DTX4: variants seen among roughly 807,000 people sequenced by gnomAD.
DTX4 encodes the protein E3 ubiquitin-protein ligase DTX4.
A neutral mutation model predicts 57.6 loss-of-function variants in DTX4; 28 were observed. The observed-to-expected ratio is 0.49, with a 90% CI of 0.36 to 0.67. DTX4 has a LOEUF of 0.67. DTX4 is among the 30% of genes least tolerant of loss of function. DTX4 has a pLI of 0.00. For missense variants in DTX4, 715 were observed against 836.8 expected (o/e 0.85, Z 1.80); for synonymous variants, 316 against 331.0 (o/e 0.95, Z 0.49).
intron 2 of DTX4, among the ~76,000 whole-genome samples, chr11:59,186,367 T>C (rs1355458437): frequency 6.6e-6 from 1 of 152,164 alleles, no homozygotes; most frequent in Non-Finnish European, 1.5e-5. Context: ...GTGGCTTTTG[T>C]CACCCAGATC....
intron 1 of DTX4, among the ~76,000 whole-genome samples, chr11:59,174,878 G>T (rs937925610): frequency 6.6e-6 from 1 of 152,184 alleles, no homozygotes; most frequent in African/African-American, 2.4e-5. Context: ...TTTATCATCA[G>T]ACTGCTGTGG....
intron 6 of DTX4, among the ~76,000 whole-genome samples, chr11:59,193,321 C>T (rs538612599): frequency 2.3e-4 from 35 of 152,248 alleles, no homozygotes; most frequent in South Asian, 8.3e-4. Context: ...AAATTGATAT[C>T]GCCTTTGTAT....
At chr11:59,190,169 T>C (rs1212203683) in intron 4 of DTX4, among the ~76,000 whole-genome samples, 1 of 152,216 alleles carries the variant, frequency 6.6e-6, no homozygotes, top group Non-Finnish European at 1.5e-5. Flanking sequence ...CCTCAAACCC[T>C]TGTCCTACTT....
At chr11:59,174,583 C>T (rs984636718) in intron 1 of DTX4, among the ~76,000 whole-genome samples, 5 of 151,276 alleles carry the variant, frequency 3.3e-5, no homozygotes, top group African/African-American at 9.8e-5. Context: ...GTGACAGAAA[C>T]GTCTCAGCCC....
chr11:59,182,886 G>T (rs976949630), intron 2 of DTX4, among the ~76,000 whole-genome samples: 1 of 151,998 alleles, frequency 6.6e-6, no homozygotes, highest in Non-Finnish European at 1.5e-5. Context: ...GGTCAAGGCT[G>T]CAGTGAGCTA....
At chr11:59,192,337 C>T (rs1862610838) in intron 6 of DTX4, 87 bp downstream of exon 6, 6 of 1,507,138 alleles carry the variant, frequency 4.0e-6, no homozygotes, top group East Asian at 2.3e-5. Flanking sequence ...GGCCCTTGCT[C>T]AAGTGATCTG....
At chr11:59,196,568 G>T (rs1488034904) in intron 7 of DTX4, among the ~76,000 whole-genome samples, 1 of 152,192 alleles carries the variant, frequency 6.6e-6, no homozygotes, top group African/African-American at 2.4e-5. Flanking sequence ...CAGCCCAGGG[G>T]TTCCCAACCC....
At chr11:59,180,344 G>C (rs1312250056) in intron 1 of DTX4, among the ~76,000 whole-genome samples, 2 of 152,196 alleles carry the variant, frequency 1.3e-5, no homozygotes, top group Non-Finnish European at 2.9e-5. Flanking sequence ...GTGATGAATA[G>C]GGGATTGTTC....
chr11:59,176,826 C>T (rs1239766877), intron 1 of DTX4, among the ~76,000 whole-genome samples: 1 of 152,240 alleles, frequency 6.6e-6, no homozygotes, highest in Non-Finnish European at 1.5e-5. Flanking sequence ...CCCTATCCTA[C>T]TGGAGCCCCT....
In DTX4 at chr11:59,189,470, T is replaced by C. The variant is rs542614454; in HGVS notation, c.1159+147T>C. 1.9e-4 allele frequency: 136 copies of C among 727,014 alleles called. 1 individual carries two copies. The South Asian group carries it at 2.6e-3, about 14-fold the overall frequency. The allele number at this position is 727,014 out of a possible 1,614,324, so 45.0% of individuals were successfully genotyped here. ...TGTAAGTGGGCCTAACCAGTAAATCTTGACGATTATACCACAGCTGATGTG... is the reference window on the plus strand; with the variant it reads ...TGTAAGTGGGCCTAACCAGTAAATCCTGACGATTATACCACAGCTGATGTG... On this transcript the variant is annotated intron_variant, in intron 4 of 8. Transcript: ENST00000227451.
chr11:59,188,626 C>T (rs868580589), intron 2 of DTX4, 109 bp from the exon 3 acceptor site: 1 of 878,110 alleles, frequency 1.1e-6, no homozygotes, highest in South Asian at 1.5e-5. Flanking sequence ...GATGTCACTT[C>T]CTGCTGTCTG....
intron 2 of DTX4, among the ~76,000 whole-genome samples, chr11:59,184,558 C>T (rs547799869): frequency 6.6e-6 from 1 of 152,310 alleles, no homozygotes; most frequent in South Asian, 2.1e-4. Flanking sequence ...TGACATCCCA[C>T]CTTGTCTCTG....
intron 2 of DTX4, among the ~76,000 whole-genome samples, 177 bp from the exon 3 acceptor site, chr11:59,188,558 G>A (rs1213654302): frequency 6.6e-6 from 1 of 152,218 alleles, no homozygotes; most frequent in African/African-American, 2.4e-5. Context: ...AGTGAACTGA[G>A]GAACATAGTT....
intron 2 of DTX4, among the ~76,000 whole-genome samples, chr11:59,187,155 C>T (rs1196277915): frequency 6.6e-6 from 1 of 152,212 alleles, no homozygotes; most frequent in Non-Finnish European, 1.5e-5. Flanking sequence ...ATTCATTACG[C>T]TCTCTGAGTT....
chr11:59,188,141 A>C (rs1294069555), intron 2 of DTX4, among the ~76,000 whole-genome samples: 2 of 152,196 alleles, frequency 1.3e-5, no homozygotes, highest in Non-Finnish European at 2.9e-5. Context: ...CCTGGCTCTG[A>C]ACAAAACAGA....
intron 8 of DTX4, 116 bp from the exon 9 acceptor site, chr11:59,204,560 A>G: frequency 2.1e-6 from 2 of 943,620 alleles, no homozygotes; most frequent in Admixed American, 2.2e-5. Context: ...TGGGCTGCTT[A>G]GGGTATCATG....
rs761577721 is a variant in DTX4, at chr11:59,195,319, C to A, written c.1486C>A (p.Pro496Thr). 8 of 1,613,852 alleles carry A rather than the reference C, an allele frequency of 5.0e-6. No individual in the cohort carries two copies. The highest frequency in any genetic ancestry group is 1.3e-5 in the African/African-American group (1 of 74,912). ...HLIPHSLPGH[P>T]DCKTIRIIYS... ...CATCCCCCACTCCTTGCCTGGCCAC[C>A]CAGACTGCAAAACCATCCGGATCAT... The change falls in exon 7 of 9, where the codon CCA (proline) becomes ACA (threonine). Residue 496 changes from proline to threonine, a missense_variant. Physicochemically the swap from Pro to Thr is conservative, Grantham distance 38. Transcript: ENST00000227451.
intron 1 of DTX4, among the ~76,000 whole-genome samples, chr11:59,173,512 G>C (rs1161246995): frequency 1.3e-5 from 2 of 152,216 alleles, no homozygotes; most frequent in Non-Finnish European, 2.9e-5. Context: ...GAGAGAGGAG[G>C]GGGAGGCTCG....
intron 6 of DTX4, among the ~76,000 whole-genome samples, chr11:59,193,591 A>G (rs1257031073): frequency 6.6e-6 from 1 of 152,208 alleles, no homozygotes; most frequent in African/African-American, 2.4e-5. Flanking sequence ...TTCAAGAAGA[A>G]TATGGTAACT....
Sources: allele counts gnomAD v4.1 joint callset (sites outside exome capture counted in the v4.1 genomes callset), GRCh38; gene constraint gnomAD v4.1.1; transcripts MANE v1.5; gene names NCBI Gene and HGNC (gene_info 2026-07-23, HGNC 2026-07-21).